The following TENM3 variants were observed in gnomAD, a reference collection of about 807,000 sequenced individuals.
The protein encoded by TENM3 is teneurin-3.
A neutral mutation model predicts 255.1 loss-of-function variants in TENM3; 63 were observed. The ratio of observed to expected loss-of-function variants is 0.25; its 90% CI spans 0.20 to 0.30. TENM3 has a LOEUF of 0.30. Among genes scored for constraint, TENM3 ranks in the 10% least tolerant of loss-of-function variants. The pLI, the probability that TENM3 is intolerant of heterozygous loss-of-function variation, is 1.00. For synonymous variants in TENM3, 1,306 were observed against 1,322.3 expected, an observed-to-expected ratio of 0.99 and a Z score of 0.27; for missense variants, 2,929 against 3,461.1, an observed-to-expected ratio of 0.85 and a Z score of 3.86.
At chr4:181,666,627 T>C in the TENM3 span, among the ~76,000 whole-genome samples, 4 of 152,312 alleles carry the variant, frequency 2.6e-5, no homozygotes, top group South Asian at 8.3e-4. Context: ...AAAAATGTAC[T>C]ACTTTGAAGC....
At chr4:182,441,537 G>A (rs925383348) in intron 3 of TENM3, among the ~76,000 whole-genome samples, 1 of 151,956 alleles carries the variant, frequency 6.6e-6, no homozygotes, top group Non-Finnish European at 1.5e-5. Flanking sequence ...TCGCTCTGTT[G>A]CCCAGGCTGG....
chr4:182,719,318 A>G lies in TENM3; in HGVS notation c.2368+5085A>G, dbSNP rs1317611274. Among the ~76,000 whole-genome samples the G allele has an allele frequency of 6.6e-5, 8 of 120,490 alleles. 1 individual carries two copies. In the East Asian group the frequency reaches 1.4e-3, roughly 21 times the overall value. The allele number at this position is 120,490 out of a possible 152,430, so 79.0% of individuals were successfully genotyped here. On this transcript the variant is annotated intron_variant, in intron 13 of 27. Transcript: ENST00000511685. ...GCTCTGTCTCCCAGGCTGCAGTGCAATGGCGTGGTCTCGGCTCACTGCAAC... is the reference window on the plus strand; with the variant it reads ...GCTCTGTCTCCCAGGCTGCAGTGCAGTGGCGTGGTCTCGGCTCACTGCAAC...
chr4:181,906,712 CTTGTTT>C, the TENM3 span, among the ~76,000 whole-genome samples: 1 of 151,994 alleles, frequency 6.6e-6, no homozygotes, highest in African/African-American at 2.4e-5. Flanking sequence ...TTTCTTGTTT[CTTGTTT>C]TTGTTTTTGT....
chr4:181,683,256 G>A, the TENM3 span, among the ~76,000 whole-genome samples: 1 of 151,942 alleles, frequency 6.6e-6, no homozygotes, highest in African/African-American at 2.4e-5. Context: ...GACATTTACA[G>A]ATAAGAATAC....
the TENM3 span, among the ~76,000 whole-genome samples, chr4:181,853,581 T>A: frequency 3.7e-4 from 57 of 152,348 alleles, no homozygotes; most frequent in African/African-American, 1.4e-3. Context: ...ACATTTAGTG[T>A]TTAATGTCAT....
chr4:181,721,108 T>TA, the TENM3 span, among the ~76,000 whole-genome samples: 219 of 132,524 alleles, frequency 1.7e-3, no homozygotes, highest in African/African-American at 4.6e-3. Flanking sequence ...ATACCAAGGG[T>TA]AAAAAAAAAA....
At chr4:182,386,458 C>T (rs995381110) in intron 3 of TENM3, among the ~76,000 whole-genome samples, 1 of 152,360 alleles carries the variant, frequency 6.6e-6, no homozygotes, top group Admixed American at 6.5e-5. Flanking sequence ...CCCACTTTGG[C>T]GGCACTTGAG....
At position 182,800,596 on chromosome 4, in the gene TENM3, G is replaced by GA. The variant is rs11433703; in HGVS notation, c.*254dup. The GA allele has an allele frequency of 0.09, 34,012 of 378,632 alleles. 1,610 individuals carry two copies. Among genetic ancestry groups the GA allele is most frequent in the Admixed American group, 0.11 (2,569 of 22,490 alleles). The allele number at this position is 378,632 out of a possible 1,614,324, so 23.5% of individuals were successfully genotyped here. On this transcript the variant is annotated 3_prime_UTR_variant, in exon 28 of 28. Transcript: ENST00000511685. ...TCAGTCGGACTGAACGTAGCCAGAG[G>GA]AAAAAAAAATCATCAAGGACAAAGG...
In TENM3 at chr4:182,628,760, C is replaced by T; in HGVS notation, c.859C>T (p.Pro287Ser). The T allele has an allele frequency of 6.2e-7, 1 of 1,609,926 alleles. No homozygotes were observed. Among genetic ancestry groups the T allele is most frequent in the Non-Finnish European group, 8.5e-7 (1 of 1,178,128 alleles). Residue 287 changes from proline to serine, a missense_variant, in exon 5 of 28, where the codon CCT becomes TCT. This residue lies in a region of TENM3 where 1,608 missense variants were observed against 1,884.4 expected (regional missense o/e 0.85). Coordinates refer to ENST00000511685, the MANE Select transcript of TENM3 (RefSeq NM_001080477.4). ...SVYSPPTRPL[P>S]RNTLSRSAFK... Reference sequence around the variant, plus strand: ...TTATTCACCACCTACTCGGCCACTACCTAGAAACACCCTATCAAGAAGTGC... The same window carrying T: ...TTATTCACCACCTACTCGGCCACTATCTAGAAACACCCTATCAAGAAGTGC...
At chr4:182,733,578 T>A (rs565591527) in intron 16 of TENM3, among the ~76,000 whole-genome samples, 1 of 151,288 alleles carries the variant, frequency 6.6e-6, no homozygotes, top group Non-Finnish European at 1.5e-5. Flanking sequence ...AGAGGTAAAT[T>A]TGGGAGTCAT....
intron 1 of TENM3, among the ~76,000 whole-genome samples, chr4:182,317,627 C>T (rs556021295): frequency 1.1e-4 from 16 of 152,076 alleles, no homozygotes; most frequent in African/African-American, 3.4e-4. Context: ...AACTTTTTAC[C>T]GCTAACATGA....
chr4:182,227,697 GTGGC>G (rs1273467018), intron 1 of TENM3, among the ~76,000 whole-genome samples: 1 of 139,974 alleles, frequency 7.1e-6, no homozygotes. Flanking sequence ...CCTTTTTTCA[GTGGC>G]TTCCGGGCAA....
At chr4:182,091,363 G>A in the TENM3 span, among the ~76,000 whole-genome samples, 1 of 152,194 alleles carries the variant, frequency 6.6e-6, no homozygotes, top group Non-Finnish European at 1.5e-5. Flanking sequence ...AGGGCAAAGG[G>A]GATGCTGAGG....
chr4:182,001,939 A>G, the TENM3 span, among the ~76,000 whole-genome samples: 1 of 152,188 alleles, frequency 6.6e-6, no homozygotes, highest in Non-Finnish European at 1.5e-5. Context: ...ATCATTCAGC[A>G]TAGGAACTTG....
intron 3 of TENM3, among the ~76,000 whole-genome samples, chr4:182,477,912 T>C (rs1733830926): frequency 6.6e-6 from 1 of 152,082 alleles, no homozygotes; most frequent in African/African-American, 2.4e-5. Flanking sequence ...CTCTGGAAAA[T>C]ACCTGGAGAG....
the TENM3 span, among the ~76,000 whole-genome samples, chr4:181,487,322 C>T: frequency 2.0e-5 from 3 of 152,114 alleles, no homozygotes; most frequent in African/African-American, 4.8e-5. Flanking sequence ...AATCTGACAA[C>T]CCCACCTGTA....
the TENM3 span, among the ~76,000 whole-genome samples, chr4:181,466,732 C>T: frequency 4.6e-5 from 7 of 152,048 alleles, no homozygotes; most frequent in Admixed American, 3.9e-4. Flanking sequence ...CATGTTACTA[C>T]ACTTTTTAAT....
At chr4:182,674,328 A>G (rs1755484106) in intron 7 of TENM3, among the ~76,000 whole-genome samples, 1 of 152,306 alleles carries the variant, frequency 6.6e-6, no homozygotes, top group African/African-American at 2.4e-5. Context: ...AAGGAAGATG[A>G]GTAAGAAGAT....
intron 6 of TENM3, among the ~76,000 whole-genome samples, chr4:182,658,875 GACATGGCCTT>G (rs1753978312): frequency 1.3e-5 from 2 of 152,222 alleles, no homozygotes; most frequent in Non-Finnish European, 2.9e-5. Context: ...GGGGCACCTA[GACATGGCCTT>G]CCATGTGGCT....
Sources: allele counts gnomAD v4.1 joint callset (sites outside exome capture counted in the v4.1 genomes callset), GRCh38; gene constraint gnomAD v4.1.1; regional missense constraint gnomAD v4.1.1; transcripts MANE v1.5; gene names NCBI Gene and HGNC (gene_info 2026-07-23, HGNC 2026-07-21).